The following ABAT variants were observed in gnomAD, a reference collection of about 807,000 sequenced individuals.
ABAT encodes the protein 4-aminobutyrate aminotransferase, mitochondrial.
Under a neutral mutation model 64.6 loss-of-function variants are expected in ABAT, and 45 were observed. The observed-to-expected ratio is 0.70, with a 90% confidence interval of 0.55 to 0.89. ABAT has a LOEUF of 0.89. Ranked by LOEUF, ABAT falls within the 40% of genes least tolerant of loss-of-function variation. The probability of loss-of-function intolerance (pLI) is 0.00; values close to 1 mark genes in which losing one functional copy is unlikely to be tolerated. For synonymous variants in ABAT, 297 were observed against 250.5 expected, an observed-to-expected ratio of 1.19 and a Z score of -1.75; for missense variants, 633 against 658.4, an observed-to-expected ratio of 0.96 and a Z score of 0.42.
chr16:8,721,354 C>T (rs752132260), intron 1 of ABAT, among the ~76,000 whole-genome samples: 1 of 152,126 alleles, frequency 6.6e-6, no homozygotes, highest in Non-Finnish European at 1.5e-5. Context: ...CAGGGCCCAC[C>T]GTCCACTCTT....
chr16:8,677,560 T>A (rs2057233026), intron 1 of ABAT, among the ~76,000 whole-genome samples: 1 of 152,172 alleles, frequency 6.6e-6, no homozygotes, highest in Admixed American at 6.6e-5. Context: ...TTGGGCACTG[T>A]TGACAGTTGG....
chr16:8,768,549 C>G (rs892522006), intron 10 of ABAT, among the ~76,000 whole-genome samples: 1 of 152,164 alleles, frequency 6.6e-6, no homozygotes, highest in Non-Finnish European at 1.5e-5. Flanking sequence ...TACCCACGCA[C>G]GCATGCCAAT....
chr16:8,768,789 A>G (rs1051483747), intron 10 of ABAT, 36 bp from the exon 11 acceptor site: 2 of 1,613,702 alleles, frequency 1.2e-6, no homozygotes, highest in Non-Finnish European at 1.7e-6. Flanking sequence ...TGCTTCCCCA[A>G]GCCAAGCGTC....
In ABAT at chr16:8,707,353, A is replaced by ATTTTTTTTT. The variant is rs386384172; in HGVS notation, c.-41-28337_-41-28329dup. 4.0e-4 allele frequency among the ~76,000 whole-genome samples: 50 copies of ATTTTTTTTT among 123,928 alleles called. 6 individuals are homozygous for ATTTTTTTTT. Among genetic ancestry groups the ATTTTTTTTT allele is most frequent in the Middle Eastern group, 4.9e-3 (1 of 206 alleles). The allele number at this position is 123,928 out of a possible 152,430, so 81.3% of individuals were successfully genotyped here. ...AGGCACACACTACCATGCCAGGGTAATTTTTTTTTTTTTTTTTAGCGGAGA... is the reference window on the plus strand; with the variant it reads ...AGGCACACACTACCATGCCAGGGTAATTTTTTTTTTTTTTTTTTTTTTTTTTAGCGGAGA... On this transcript the variant is annotated intron_variant, in intron 1 of 15. Coordinates refer to ENST00000268251, the MANE Select transcript of ABAT (RefSeq NM_020686.6).
chr16:8,705,745 C>A (rs764209276), intron 1 of ABAT, among the ~76,000 whole-genome samples: 1 of 152,072 alleles, frequency 6.6e-6, no homozygotes, highest in Non-Finnish European at 1.5e-5. Flanking sequence ...TTCTGAATCT[C>A]ATTTCAAAGA....
intron 3 of ABAT, 99 bp downstream of exon 3, chr16:8,746,197 G>T (rs923154150): frequency 2.2e-6 from 2 of 894,494 alleles, no homozygotes; most frequent in Non-Finnish European, 3.6e-6. Flanking sequence ...TTGATTGTCA[G>T]CTGCTTTCAG....
At chr16:8,724,367 A>G (rs1048619300) in intron 1 of ABAT, among the ~76,000 whole-genome samples, 2 of 152,362 alleles carry the variant, frequency 1.3e-5, no homozygotes, top group Middle Eastern at 3.4e-3. Context: ...TGCTCCAAAT[A>G]GGCAATACTC....
rs1208657149 is a variant in ABAT at position 8,776,312 on chromosome 16, T to C, written c.1123-32T>C. The C allele has an allele frequency of 4.3e-6, 7 of 1,613,964 alleles. No homozygotes were observed. The highest frequency in any genetic ancestry group is 5.9e-6 in the Non-Finnish European group (7 of 1,179,992). On this transcript the variant is annotated intron_variant, in intron 13 of 15. Transcript: ENST00000268251. This position sits in a 1 kb window ranked among gnomAD's most constrained non-coding sequence, Gnocchi z 4.4. Reference sequence around the variant, plus strand: ...GACTCCTGCAGGGTGTGCATGTGTGTGAAGCCTTCCAACACCCGTTCCTCA... The same window carrying C: ...GACTCCTGCAGGGTGTGCATGTGTGCGAAGCCTTCCAACACCCGTTCCTCA...
chr16:8,746,711 C>CAA (rs988350809), intron 3 of ABAT, among the ~76,000 whole-genome samples: 9 of 132,674 alleles, frequency 6.8e-5, no homozygotes, highest in African/African-American at 2.5e-4. Flanking sequence ...GACTCTGTCT[C>CAA]AAAAAAAAAA....
chr16:8,744,214 A>T (rs2059264919), intron 2 of ABAT, among the ~76,000 whole-genome samples: 1 of 152,182 alleles, frequency 6.6e-6, no homozygotes, highest in Admixed American at 6.5e-5. Flanking sequence ...TAATTGGCTC[A>T]TGGTTCTGCA....
At chr16:8,711,734 G>GAT (rs1567279750) in intron 1 of ABAT, among the ~76,000 whole-genome samples, 1 of 89,698 alleles carries the variant, frequency 1.1e-5, no homozygotes, top group African/African-American at 5.3e-5. Flanking sequence ...GAAGATGGAT[G>GAT]GGTGGATGGA....
chr16:8,719,294 T>A (rs185735609), intron 1 of ABAT, among the ~76,000 whole-genome samples: 12 of 152,346 alleles, frequency 7.9e-5, no homozygotes, highest in African/African-American at 2.6e-4. Context: ...TCTAAGCCAA[T>A]TCCATTCTTT....
rs1200059699 is a variant in ABAT, at chr16:8,764,840, G to A, written c.540+10G>A. 2 of 1,601,392 alleles carry A rather than the reference G, an allele frequency of 1.2e-6. No homozygotes were observed. On this transcript the variant is annotated intron_variant, in intron 8 of 15. Transcript: ENST00000268251. The surrounding 1 kb of genome is among the most constrained non-coding windows in gnomAD (Gnocchi z 4.2). ...CTTCATGTGGTACCGGGTGAGGTTT[G>A]GGGCACACACACACACACACACACA...
intron 1 of ABAT, among the ~76,000 whole-genome samples, chr16:8,725,136 G>A (rs868491020): frequency 6.6e-6 from 1 of 152,092 alleles, no homozygotes. Flanking sequence ...GGCTGGTCTC[G>A]AATTCCTGAC....
In ABAT at chr16:8,697,688, T is replaced by C. The variant is rs1007301406; in HGVS notation, c.-42+22977T>C. On this transcript the variant is annotated intron_variant, in intron 1 of 15. Transcript: ENST00000268251. ...TCTTGCTCTGTCACCCAGGCTGGAGTACAGTGGTGTGATTGCAGCTCACTG... is the reference window on the plus strand; with the variant it reads ...TCTTGCTCTGTCACCCAGGCTGGAGCACAGTGGTGTGATTGCAGCTCACTG... Among the ~76,000 whole-genome samples the C allele has an allele frequency of 2.0e-5, 3 of 151,774 alleles. No homozygotes were observed. The East Asian group carries it at 5.8e-4, about 29-fold the overall frequency.
chr16:8,698,331 GCT>G (rs1475834071), intron 1 of ABAT, among the ~76,000 whole-genome samples: 1 of 151,616 alleles, frequency 6.6e-6, no homozygotes, highest in Non-Finnish European at 1.5e-5. Flanking sequence ...CCCCCTTCTG[GCT>G]CTTTTTTTTT....
Position 8,699,196 on chromosome 16 carries a change from A to G in ABAT, c.-42+24485A>G, listed in dbSNP as rs768166694. ...TGGGAAGAGATAGATGCCACCTCCCAGTGAGGGACTACTAGGTCACAGAGG... is the reference window on the plus strand; with the variant it reads ...TGGGAAGAGATAGATGCCACCTCCCGGTGAGGGACTACTAGGTCACAGAGG... On this transcript the variant is annotated intron_variant, in intron 1 of 15. Transcript: ENST00000268251. Among the ~76,000 whole-genome samples the G allele has an allele frequency of 1.5e-3, 231 of 152,320 alleles. 2 individuals carry two copies. Among genetic ancestry groups the G allele is most frequent in the Non-Finnish European group, 4.7e-4 (32 of 68,026 alleles).
chr16:8,751,222 T>TCCC (rs2059472051), intron 5 of ABAT, among the ~76,000 whole-genome samples: 1 of 152,138 alleles, frequency 6.6e-6, no homozygotes, highest in Non-Finnish European at 1.5e-5. Context: ...GTGCTGGGAT[T>TCCC]ACAGGTGTGA....
chr16:8,690,140 T>C (rs796365445), intron 1 of ABAT, among the ~76,000 whole-genome samples: 5 of 152,296 alleles, frequency 3.3e-5, no homozygotes, highest in African/African-American at 1.2e-4. Flanking sequence ...TCATTTTTGC[T>C]AGCAGTGGAA....
Sources: gnomAD v4.1 joint callset for allele counts (sites outside exome capture counted in the v4.1 genomes callset) on GRCh38, gnomAD v4.1.1 for gene constraint, Gnocchi (gnomAD v3.1) non-coding constraint, MANE v1.5 for transcripts, NCBI Gene and HGNC (gene_info 2026-07-23, HGNC 2026-07-21) for gene names.